The following ZNF644 variants were observed in gnomAD, a reference collection of about 807,000 sequenced individuals.
The protein encoded by ZNF644 is zinc finger protein 644.
A neutral mutation model predicts 108.0 loss-of-function variants in ZNF644; 20 were observed. That is an observed-to-expected ratio of 0.19 (90% CI 0.13 to 0.27). The LOEUF is 0.27. ZNF644 is among the 10% of genes least tolerant of loss of function. The pLI, the probability that ZNF644 is intolerant of heterozygous loss-of-function variation, is 1.00. For missense variants in ZNF644, 1,338 were observed against 1,548.9 expected (o/e 0.86, Z 2.29); for synonymous variants, 542 against 539.1 (o/e 1.01, Z -0.08).
At chr1:90,950,302 G>GAGGGGAGGGGAGGGC (rs1557588257) in intron 2 of ZNF644, among the ~76,000 whole-genome samples, 2 of 35,182 alleles carry the variant, frequency 5.7e-5, no homozygotes, top group Admixed American at 2.3e-4. Flanking sequence ...AAGGGGAGGG[G>GAGGGGAGGGGAGGGC]AGGGGACAAA....
intron 1 of ZNF644, among the ~76,000 whole-genome samples, chr1:91,015,286 A>T (rs911556805): frequency 2.0e-5 from 3 of 152,190 alleles, no homozygotes; most frequent in African/African-American, 7.2e-5. Flanking sequence ...ACACCATACC[A>T]GCACAGACAT....
At chr1:90,977,795 T>C (rs1557622559) in intron 2 of ZNF644, among the ~76,000 whole-genome samples, 1 of 152,276 alleles carries the variant, frequency 6.6e-6, no homozygotes, top group Non-Finnish European at 1.5e-5. Context: ...GCAGTACTTA[T>C]ATACAGGCAA....
chr1:90,988,171 A>C (rs190954702), intron 1 of ZNF644, among the ~76,000 whole-genome samples: 1 of 152,312 alleles, frequency 6.6e-6, no homozygotes, highest in African/African-American at 2.4e-5. Context: ...TTCAAGAAAA[A>C]AAATGTTAGA....
intron 2 of ZNF644, among the ~76,000 whole-genome samples, chr1:90,958,595 A>T (rs1653999587): frequency 6.6e-6 from 1 of 152,206 alleles, no homozygotes; most frequent in African/African-American, 2.4e-5. Flanking sequence ...TATAGTAATC[A>T]ATGTGGCAGT....
chr1:90,943,358 G>A (rs1439320296), intron 2 of ZNF644, among the ~76,000 whole-genome samples: 5 of 152,060 alleles, frequency 3.3e-5, no homozygotes, highest in Non-Finnish European at 5.9e-5. Context: ...GGAGAATGGC[G>A]TGTACCCGGG....
At chr1:91,015,263 A>G (rs1660331303) in intron 1 of ZNF644, among the ~76,000 whole-genome samples, 1 of 152,210 alleles carries the variant, frequency 6.6e-6, no homozygotes, top group Non-Finnish European at 1.5e-5. Flanking sequence ...AAGAGGGGGA[A>G]CTGATAACTT....
At chr1:91,017,760 G>A (rs1382252948) in intron 1 of ZNF644, among the ~76,000 whole-genome samples, 2 of 152,124 alleles carry the variant, frequency 1.3e-5, no homozygotes, top group South Asian at 2.1e-4. Context: ...TCAGGAGTTC[G>A]AGACCAGCCT....
intron 1 of ZNF644, among the ~76,000 whole-genome samples, chr1:91,006,074 A>G (rs1659392933): frequency 6.6e-6 from 1 of 152,208 alleles, no homozygotes. Context: ...CCAACCTTAT[A>G]TTAATAAAAA....
intron 4 of ZNF644, among the ~76,000 whole-genome samples, chr1:90,930,778 G>A (rs1198715409): frequency 6.6e-6 from 1 of 152,166 alleles, no homozygotes; most frequent in South Asian, 2.1e-4. Flanking sequence ...AATGCTGACT[G>A]CTACCATCAT....
rs1209530716 is a variant in ZNF644 at position 90,937,781 on chromosome 1, C to T, written c.3392G>A (p.Gly1131Asp). 6 of 1,613,808 alleles carry T rather than the reference C, an allele frequency of 3.7e-6. No individual in the cohort carries two copies. Among genetic ancestry groups the T allele is most frequent in the Non-Finnish European group, 5.1e-6 (6 of 1,179,862 alleles). Reference protein sequence around the residue: ...NVIPLEAYRNGLKTEALSVSA... With the variant: ...NVIPLEAYRNDLKTEALSVSA... ...CACTGACAGAGCTTCAGTCTTTAGG[C>T]CATTACGGTATGCTTCAAGAGGTAT... The change falls in exon 4 of 6, where the codon GGC becomes GAC. Residue 1131 changes from glycine (G) to aspartate (D), a missense_variant. Gly to Asp is a moderately conservative substitution (Grantham distance 94). This residue lies in a region of ZNF644 where 287 missense variants were observed against 310.9 expected (regional missense o/e 0.92). Coordinates refer to ENST00000337393, the MANE Select transcript of ZNF644 (RefSeq NM_201269.3).
chr1:90,990,580 T>C (rs1657545473), intron 1 of ZNF644, among the ~76,000 whole-genome samples: 1 of 152,100 alleles, frequency 6.6e-6, no homozygotes, highest in African/African-American at 2.4e-5. Context: ...ATCCTTGAGT[T>C]GAGGAGACTG....
intron 4 of ZNF644, 56 bp downstream of exon 4, chr1:90,937,429 G>T: frequency 6.2e-7 from 1 of 1,609,412 alleles, no homozygotes; most frequent in Non-Finnish European, 8.5e-7. Flanking sequence ...CATTAAAGAA[G>T]GCATAATTGA....
chr1:90,988,953 G>C (rs547441566), intron 1 of ZNF644, among the ~76,000 whole-genome samples: 62 of 152,208 alleles, frequency 4.1e-4, no homozygotes, highest in Admixed American at 2.6e-3. Flanking sequence ...ATAGGGGAAG[G>C]CTTCGGGACA....
At chr1:90,943,623 T>C (rs886369247) in intron 2 of ZNF644, among the ~76,000 whole-genome samples, 5 of 152,168 alleles carry the variant, frequency 3.3e-5, no homozygotes, top group African/African-American at 1.2e-4. Flanking sequence ...CCACCCCTCG[T>C]AGGTTTTAGA....
At position 91,007,919 on chromosome 1, in the gene ZNF644, C is replaced by G. The variant is rs142058523; in HGVS notation, c.-18+14071G>C. Among the ~76,000 whole-genome samples the G allele has an allele frequency of 6.9e-3, 1,056 of 152,170 alleles. 16 individuals carry two copies. The highest frequency in any genetic ancestry group is 0.024 in the African/African-American group (990 of 41,518). ...TAAGATTGAGGCACTTAAAAGTTGC[C>G]TAGGGATTCTGTCTTAATGAGTAGA... On this transcript the variant is annotated intron_variant, in intron 1 of 5. Coordinates refer to ENST00000337393, the MANE Select transcript of ZNF644 (RefSeq NM_201269.3).
At chr1:90,954,166 T>A (rs915444794) in intron 2 of ZNF644, among the ~76,000 whole-genome samples, 1 of 152,192 alleles carries the variant, frequency 6.6e-6, no homozygotes, top group African/African-American at 2.4e-5. Flanking sequence ...CGTGCAATGA[T>A]GTTGATAGCA....
intron 1 of ZNF644, among the ~76,000 whole-genome samples, chr1:91,000,049 A>T (rs1393044321): frequency 1.3e-5 from 2 of 152,188 alleles, no homozygotes; most frequent in Admixed American, 6.5e-5. Context: ...AAGTCCTTAG[A>T]GACCTACAAA....
intron 1 of ZNF644, among the ~76,000 whole-genome samples, chr1:91,002,753 C>A (rs149677077): frequency 6.6e-6 from 1 of 151,872 alleles, no homozygotes; most frequent in Non-Finnish European, 1.5e-5. Context: ...ACCTACAGAA[C>A]GGGAGAAAAT....
rs750922184 is a variant in ZNF644, at chr1:90,937,525, C to A, written c.3648G>T (p.Leu1216Phe). The change falls in exon 4 of 6, where the codon TTG becomes TTT. Residue 1216 changes from leucine to phenylalanine, a missense_variant. Around this residue, in one of 6 missense-constraint regions of ZNF644, gnomAD observed 287 missense variants for 310.9 expected, o/e 0.92. Transcript: ENST00000337393. ...CVLPLNEDSP[L>F]MYQPQKMDLT... Reference sequence around the variant, plus strand: ...AGTCCATTTTTTGTGGCTGATACATCAACGGACTATCCTCATTTAATGGAA... The same window carrying A: ...AGTCCATTTTTTGTGGCTGATACATAAACGGACTATCCTCATTTAATGGAA... The A allele has an allele frequency of 1.9e-6, 3 of 1,613,718 alleles. No individual in the cohort carries two copies. Among genetic ancestry groups the A allele is most frequent in the African/African-American group, 2.7e-5 (2 of 74,918 alleles).
Sources: gnomAD v4.1 joint callset for allele counts (sites outside exome capture counted in the v4.1 genomes callset) on GRCh38, gnomAD v4.1.1 for gene constraint, gnomAD v4.1.1 regional missense constraint, MANE v1.5 for transcripts, NCBI Gene and HGNC (gene_info 2026-07-23, HGNC 2026-07-21) for gene names.